The following SCAI variants were observed in gnomAD, a reference collection of about 807,000 sequenced individuals.
SCAI encodes the protein suppressor of cancer cell invasion, also known as protein SCAI.
In SCAI, 24 loss-of-function variants were observed where a neutral mutation model predicts 92.2. The ratio of observed to expected loss-of-function variants is 0.26; its 90% CI spans 0.19 to 0.37. SCAI has a LOEUF of 0.37. SCAI is among the 10% of genes least tolerant of loss of function. The probability of loss-of-function intolerance (pLI) is 1.00; values close to 1 mark genes in which losing one functional copy is unlikely to be tolerated. For synonymous variants in SCAI, 261 were observed against 258.6 expected (o/e 1.01, Z -0.09); for missense variants, 450 against 736.2 (o/e 0.61, Z 4.50).
chr9:125,108,274 C>T (rs1353633562), intron 2 of SCAI, among the ~76,000 whole-genome samples: 4 of 152,194 alleles, frequency 2.6e-5, no homozygotes, highest in Admixed American at 2.0e-4. Flanking sequence ...AAGTGAGGAG[C>T]GTCTCTGCCT....
chr9:125,004,518 G>C (rs1197131917), intron 9 of SCAI, among the ~76,000 whole-genome samples: 1 of 150,410 alleles, frequency 6.6e-6, no homozygotes, highest in East Asian at 2.0e-4. Context: ...TAACAGAGAT[G>C]GGGTTTCACC....
At chr9:124,959,058 G>T (rs1831379566) in intron 17 of SCAI, among the ~76,000 whole-genome samples, 1 of 151,778 alleles carries the variant, frequency 6.6e-6, no homozygotes, top group Admixed American at 6.6e-5. Flanking sequence ...TTTTAATTTT[G>T]ATGAAATTTT....
intron 17 of SCAI, among the ~76,000 whole-genome samples, chr9:124,954,389 A>C (rs1831282052): frequency 6.6e-6 from 1 of 152,234 alleles, no homozygotes; most frequent in South Asian, 2.1e-4. Context: ...TTTAAAACTG[A>C]AACTATACAG....
intron 2 of SCAI, among the ~76,000 whole-genome samples, chr9:125,059,997 C>T (rs922616001): frequency 3.9e-5 from 6 of 152,136 alleles, no homozygotes; most frequent in South Asian, 4.1e-4. Flanking sequence ...TAAAACTTTC[C>T]TTGAAAATCT....
At chr9:125,060,759 C>T (rs1473014866) in intron 2 of SCAI, among the ~76,000 whole-genome samples, 1 of 152,208 alleles carries the variant, frequency 6.6e-6, no homozygotes, top group African/African-American at 2.4e-5. Context: ...CTGAGGCCTT[C>T]CCAGCCATGT....
intron 3 of SCAI, among the ~76,000 whole-genome samples, chr9:125,054,326 C>T (rs533353610): frequency 2.4e-4 from 36 of 152,300 alleles, no homozygotes; most frequent in African/African-American, 7.2e-4. Flanking sequence ...ATATGTGTTC[C>T]TATCTGTGAA....
At chr9:125,089,103 C>A (rs1588211241) in intron 2 of SCAI, among the ~76,000 whole-genome samples, 1 of 152,170 alleles carries the variant, frequency 6.6e-6, no homozygotes, top group South Asian at 2.1e-4. Flanking sequence ...AGAAACTCCC[C>A]AAGTCTTAAC....
At chr9:125,039,197 C>T (rs764419159) in intron 3 of SCAI, among the ~76,000 whole-genome samples, 5 of 151,880 alleles carry the variant, frequency 3.3e-5, no homozygotes, top group African/African-American at 4.8e-5. Context: ...CCATTCTGGC[C>T]AACATGGTGA....
At chr9:125,082,768 C>T (rs1279097787) in intron 2 of SCAI, among the ~76,000 whole-genome samples, 1 of 152,180 alleles carries the variant, frequency 6.6e-6, no homozygotes, top group Non-Finnish European at 1.5e-5. Flanking sequence ...GCTTGCAGCC[C>T]CTTTGTTTTG....
chr9:125,108,165 G>A (rs558755787), intron 2 of SCAI, among the ~76,000 whole-genome samples: 31 of 142,300 alleles, frequency 2.2e-4, no homozygotes, highest in African/African-American at 6.6e-4. Flanking sequence ...GTGCAGTGGC[G>A]TGATCTCAGC....
At chr9:125,105,983 G>A (rs1018972159) in intron 2 of SCAI, among the ~76,000 whole-genome samples, 2 of 148,120 alleles carry the variant, frequency 1.4e-5, no homozygotes, top group East Asian at 4.0e-4. Context: ...TGTAGTCCCA[G>A]CTACTCAGGA....
At chr9:124,963,220 T>A (rs1352422919) in intron 17 of SCAI, among the ~76,000 whole-genome samples, 1 of 151,776 alleles carries the variant, frequency 6.6e-6, no homozygotes, top group Non-Finnish European at 1.5e-5. Flanking sequence ...CACTGCAACC[T>A]CTGCCTCCCA....
intron 2 of SCAI, among the ~76,000 whole-genome samples, chr9:125,106,997 G>A (rs1409249772): frequency 6.6e-6 from 1 of 151,532 alleles, no homozygotes; most frequent in Non-Finnish European, 1.5e-5. Flanking sequence ...TAACAGATGT[G>A]AGCCACCATG....
At position 125,136,456 on chromosome 9, in the gene SCAI, C is replaced by CTTT. The variant is rs1167871254; in HGVS notation, c.98+6174_98+6176dup. On this transcript the variant is annotated intron_variant, in intron 2 of 17. Coordinates refer to ENST00000336505, the MANE Select transcript of SCAI (RefSeq NM_001144877.3). The stretch of plus-strand genomic sequence containing the variant: ...GTATAAAACTGATACTAATACCTTT[C>CTTT]TTTTTTTTTTTTTTTTTTTTTTGAG... Among the ~76,000 whole-genome samples, 587 of 95,222 alleles carry CTTT rather than the reference C, an allele frequency of 6.2e-3. 23 individuals carry two copies. Among genetic ancestry groups the CTTT allele is most frequent in the Middle Eastern group, 0.014 (1 of 74 alleles). The allele number at this position is 95,222 out of a possible 152,430, so 62.5% of individuals were successfully genotyped here. A position where few individuals can be genotyped will look rare whatever the true frequency, so the allele number is the denominator to read the frequency against.
rs892890237 is a variant in SCAI at position 124,949,184 on chromosome 9, C to T, written c.*3623G>A. The T allele has an allele frequency of 1.3e-5, 2 of 152,170 alleles. No individual in the cohort carries two copies. The highest frequency in any genetic ancestry group is 4.8e-5 in the African/African-American group (2 of 41,390). The allele number at this position is 152,170 out of a possible 1,614,324, so 9.4% of individuals were successfully genotyped here. A position where few individuals can be genotyped will look rare whatever the true frequency, so the allele number is the denominator to read the frequency against. ...GACCAGCCTGACCAACATGGTGAAACCCCATCTCAAAACACAAAATTAGCT... is the reference window on the plus strand; with the variant it reads ...GACCAGCCTGACCAACATGGTGAAATCCCATCTCAAAACACAAAATTAGCT... On this transcript the variant is annotated 3_prime_UTR_variant, in exon 18 of 18. Transcript: ENST00000336505. This position sits in a 1 kb window ranked among gnomAD's most constrained non-coding sequence, Gnocchi z 4.0.
rs958612471 is a variant in SCAI, at chr9:125,143,484, C to T, written c.-47G>A. Reference sequence around the variant, plus strand: ...GAGCTGCTCCGGCGGCCGCAGGGCTCGCTCGGGAAGCTGAGGCGGCGGAGG... The same window carrying T: ...GAGCTGCTCCGGCGGCCGCAGGGCTTGCTCGGGAAGCTGAGGCGGCGGAGG... On this transcript the variant is annotated 5_prime_UTR_variant, in exon 1 of 18. Coordinates refer to ENST00000336505, the MANE Select transcript of SCAI (RefSeq NM_001144877.3). The T allele has an allele frequency of 9.5e-5, 125 of 1,315,974 alleles. 1 individual carries two copies. Among genetic ancestry groups the T allele is most frequent in the Non-Finnish European group, 1.2e-4 (121 of 1,032,192 alleles). The allele number at this position is 1,315,974 out of a possible 1,614,324, so 81.5% of individuals were successfully genotyped here.
chr9:124,968,296 A>T (rs1446782162), intron 17 of SCAI: 1 of 1,184,414 alleles, frequency 8.4e-7, no homozygotes, highest in Non-Finnish European at 1.3e-6. Context: ...GCTGGGCATC[A>T]AGCGTCTTCT....
intron 2 of SCAI, among the ~76,000 whole-genome samples, chr9:125,088,200 A>G (rs1834361501): frequency 6.6e-6 from 1 of 152,054 alleles, no homozygotes; most frequent in Non-Finnish European, 1.5e-5. Context: ...GGCTCAACCA[A>G]TCCTTCCACC....
chr9:125,050,544 G>A (rs1031571676), intron 3 of SCAI, among the ~76,000 whole-genome samples: 1 of 152,070 alleles, frequency 6.6e-6, no homozygotes, highest in African/African-American at 2.4e-5. Flanking sequence ...TATAATCAAG[G>A]TCTAATATTG....
Sources: gnomAD v4.1 joint callset for allele counts (sites outside exome capture counted in the v4.1 genomes callset) on GRCh38, gnomAD v4.1.1 for gene constraint, Gnocchi (gnomAD v3.1) non-coding constraint, MANE v1.5 for transcripts, NCBI Gene and HGNC (gene_info 2026-07-23, HGNC 2026-07-21) for gene names.